Variants in RABGAP1L observed in about 807,000 individuals in gnomAD.
RABGAP1L encodes RAB GTPase activating protein 1 like, also known as rab GTPase-activating protein 1-like.
Under a neutral mutation model 137.7 loss-of-function variants are expected in RABGAP1L, and 63 were observed. The observed-to-expected ratio is 0.46, with a 90% CI of 0.37 to 0.56. The LOEUF (loss-of-function observed/expected upper bound fraction) is 0.56, where lower values mean the gene tolerates loss of function less well. RABGAP1L is among the 20% of genes least tolerant of loss of function. The probability of loss-of-function intolerance (pLI) is 0.00; values close to 1 mark genes in which losing one functional copy is unlikely to be tolerated. For missense variants in RABGAP1L, 1,095 were observed against 1,244.0 expected (o/e 0.88, Z 1.80); for synonymous variants, 431 against 433.7 (o/e 0.99, Z 0.08).
intron 13 of RABGAP1L, among the ~76,000 whole-genome samples, chr1:174,555,162 A>G (rs879922900): frequency 1.3e-5 from 2 of 152,214 alleles, no homozygotes; most frequent in Non-Finnish European, 2.9e-5. Flanking sequence ...GAAAAGTAAT[A>G]ACACAAATTA....
chr1:174,489,943 A>G (rs1328509760), intron 13 of RABGAP1L, among the ~76,000 whole-genome samples: 2 of 151,816 alleles, frequency 1.3e-5, no homozygotes, highest in Non-Finnish European at 1.5e-5. Context: ...AATTATTTCA[A>G]TCTCTTTGTT....
intron 13 of RABGAP1L, among the ~76,000 whole-genome samples, chr1:174,524,014 T>G (rs898292973): frequency 3.9e-5 from 6 of 152,230 alleles, no homozygotes; most frequent in African/African-American, 1.4e-4. Flanking sequence ...ATGTACAACA[T>G]TTTCTTTATC....
At chr1:174,590,336 CTTTT>C (rs1158642763) in intron 13 of RABGAP1L, among the ~76,000 whole-genome samples, 1 of 125,982 alleles carries the variant, frequency 7.9e-6, no homozygotes, top group South Asian at 2.6e-4. Flanking sequence ...GTTTTTTTTT[CTTTT>C]TTTTTTTATT....
intron 19 of RABGAP1L, among the ~76,000 whole-genome samples, chr1:174,926,953 A>G (rs1662936726): frequency 1.3e-5 from 2 of 152,062 alleles, no homozygotes; most frequent in Admixed American, 1.3e-4. Flanking sequence ...CACACCTGTA[A>G]TTCCAGTTAC....
chr1:174,239,212 A>C (rs1671559463), intron 4 of RABGAP1L, among the ~76,000 whole-genome samples: 1 of 152,200 alleles, frequency 6.6e-6, no homozygotes, highest in African/African-American at 2.4e-5. Flanking sequence ...ATGGAAATGC[A>C]GAAATCACCC....
chr1:174,964,021 A>G (rs1210342869), intron 20 of RABGAP1L, among the ~76,000 whole-genome samples: 1 of 152,196 alleles, frequency 6.6e-6, no homozygotes, highest in Non-Finnish European at 1.5e-5. Context: ...ATAAAATTGG[A>G]TGTGATGAGT....
intron 19 of RABGAP1L, among the ~76,000 whole-genome samples, chr1:174,936,376 G>A (rs1247786803): frequency 6.6e-6 from 1 of 152,036 alleles, no homozygotes; most frequent in African/African-American, 2.4e-5. Flanking sequence ...GCTGAGGCAG[G>A]CAGATTGCTT....
intron 13 of RABGAP1L, among the ~76,000 whole-genome samples, chr1:174,485,454 A>G (rs1659534964): frequency 6.6e-6 from 1 of 152,174 alleles, no homozygotes; most frequent in Non-Finnish European, 1.5e-5. Context: ...TTCCCAGTTC[A>G]GTATAATACT....
In RABGAP1L at chr1:174,992,860, A is replaced by C. The variant is rs1672151909; in HGVS notation, c.*2859A>C. ...TTCTCTTGAATTTCACTTAGAAGAG[A>C]TTAACCAGCCAAATATCCAGGAAAG... is the stretch of plus-strand genomic sequence containing the variant. On this transcript the variant is annotated 3_prime_UTR_variant, in exon 26 of 26. Transcript: ENST00000681986. 1.3e-5 allele frequency: 2 copies of C among 152,208 alleles called. No homozygotes were observed. The highest frequency in any genetic ancestry group is 1.3e-4 in the Admixed American group (2 of 15,278). The allele number at this position is 152,208 out of a possible 1,614,324, so 9.4% of individuals were successfully genotyped here. A position where few individuals can be genotyped will look rare whatever the true frequency, so the allele number is the denominator to read the frequency against.
intron 13 of RABGAP1L, among the ~76,000 whole-genome samples, chr1:174,619,787 C>G (rs561997188): frequency 6.6e-6 from 1 of 152,194 alleles, no homozygotes; most frequent in African/African-American, 2.4e-5. Flanking sequence ...TCACAGATAA[C>G]AATATTAACT....
chr1:174,969,458 ACAAACTT>A, intron 21 of RABGAP1L, 71 bp downstream of exon 21: 4 of 1,164,738 alleles, frequency 3.4e-6, no homozygotes, highest in Non-Finnish European at 5.0e-6. Context: ...CACCGCCCCC[ACAAACTT>A]GCTTTGTTCT....
intron 17 of RABGAP1L, among the ~76,000 whole-genome samples, chr1:174,722,153 A>G (rs1172412036): frequency 6.6e-6 from 1 of 152,092 alleles, no homozygotes; most frequent in Non-Finnish European, 1.5e-5. Flanking sequence ...GATGGTCCCC[A>G]TCTCCTGACC....
At chr1:174,383,106 G>T (rs1329100069) in intron 12 of RABGAP1L, among the ~76,000 whole-genome samples, 1 of 150,946 alleles carries the variant, frequency 6.6e-6, no homozygotes, top group Non-Finnish European at 1.5e-5. Context: ...CTGCTCGGGG[G>T]TCAGGGGTCA....
intron 13 of RABGAP1L, among the ~76,000 whole-genome samples, chr1:174,441,690 T>A (rs1318665992): frequency 6.6e-6 from 1 of 152,058 alleles, no homozygotes; most frequent in African/African-American, 2.4e-5. Context: ...GCCGAGATCA[T>A]GCTATTGCAC....
intron 11 of RABGAP1L, among the ~76,000 whole-genome samples, chr1:174,312,450 T>C (rs1217490179): frequency 6.6e-6 from 1 of 152,154 alleles, no homozygotes; most frequent in Non-Finnish European, 1.5e-5. Flanking sequence ...GATTATTCGA[T>C]TTTTTTCCTA....
chr1:174,805,090 T>G (rs1405112977), intron 18 of RABGAP1L, among the ~76,000 whole-genome samples: 1 of 152,220 alleles, frequency 6.6e-6, no homozygotes, highest in Non-Finnish European at 1.5e-5. Flanking sequence ...CACTCCATAA[T>G]TTCCATTGTA....
intron 19 of RABGAP1L, among the ~76,000 whole-genome samples, chr1:174,818,856 GA>G (rs761707023): frequency 0.019 from 2,691 of 144,192 alleles, 65 homozygotes; most frequent in African/African-American, 0.062. Context: ...CAGTAAAAAA[GA>G]AAAAAAAAAA....
chr1:174,612,554 G>T (rs1012768292), intron 13 of RABGAP1L, among the ~76,000 whole-genome samples: 2 of 152,240 alleles, frequency 1.3e-5, no homozygotes, highest in African/African-American at 4.8e-5. Flanking sequence ...TTGGTATCAG[G>T]ATGATGCTGG....
At chr1:174,372,699 T>G (rs1372806359) in intron 12 of RABGAP1L, among the ~76,000 whole-genome samples, 1 of 152,034 alleles carries the variant, frequency 6.6e-6, no homozygotes, top group Non-Finnish European at 1.5e-5. Context: ...GTGTTGTTGT[T>G]TTTTTTTATT....
Sources: allele counts gnomAD v4.1 joint callset (sites outside exome capture counted in the v4.1 genomes callset), GRCh38; gene constraint gnomAD v4.1.1; transcripts MANE v1.5; gene names NCBI Gene and HGNC (gene_info 2026-07-23, HGNC 2026-07-21).